Variants in XIRP2 observed in about 807,000 individuals in gnomAD.
The protein encoded by XIRP2 is xin actin binding repeat containing 2, also known as xin actin-binding repeat-containing protein 2.
Under a neutral mutation model 277.0 loss-of-function variants are expected in XIRP2, and 236 were observed. That is an observed-to-expected ratio of 0.85 (90% CI 0.77 to 0.95). The LOEUF (loss-of-function observed/expected upper bound fraction) is 0.95, where lower values mean the gene tolerates loss of function less well. XIRP2 is among the 40% of genes least tolerant of loss of function. XIRP2 has a pLI of 0.00. For missense variants in XIRP2, 4,640 were observed against 4,157.5 expected (o/e 1.12, Z -3.19); for synonymous variants, 1,490 against 1,416.5 (o/e 1.05, Z -1.17).
chr2:167,075,181 TTTTTG>T (rs756007544), intron 2 of XIRP2, among the ~76,000 whole-genome samples: 1 of 152,152 alleles, frequency 6.6e-6, no homozygotes. Context: ...CATTTTTGGT[TTTTTG>T]TTTTGTTTTG....
At chr2:167,080,226 A>G (rs1689692888) in intron 2 of XIRP2, among the ~76,000 whole-genome samples, 1 of 152,188 alleles carries the variant, frequency 6.6e-6, no homozygotes, top group Non-Finnish European at 1.5e-5. Flanking sequence ...TTTCTGAAGG[A>G]AAGATGTGGG....
At chr2:167,013,053 A>G (rs1687725515) in intron 2 of XIRP2, among the ~76,000 whole-genome samples, 1 of 151,364 alleles carries the variant, frequency 6.6e-6, no homozygotes, top group Admixed American at 6.6e-5. Context: ...TTTTGCATTG[A>G]ATCATGTGAC....
chr2:167,119,409 G>C (rs534745638), intron 2 of XIRP2, among the ~76,000 whole-genome samples: 2 of 152,276 alleles, frequency 1.3e-5, no homozygotes, highest in African/African-American at 2.4e-5. Context: ...ATTAATGAGA[G>C]AGCAAAGGTA....
chr2:167,205,408 C>T (rs1023281170), intron 3 of XIRP2, among the ~76,000 whole-genome samples: 2 of 152,012 alleles, frequency 1.3e-5, no homozygotes, highest in African/African-American at 4.8e-5. Context: ...TTTGAACTTT[C>T]ATCTGGCAAG....
chr2:167,140,636 C>T (rs1691689068), intron 3 of XIRP2, among the ~76,000 whole-genome samples: 1 of 152,166 alleles, frequency 6.6e-6, no homozygotes, highest in Admixed American at 6.5e-5. Flanking sequence ...CCTACTGTAC[C>T]TTATTTCATG....
At chr2:167,206,205 T>C (rs1424605239) in intron 3 of XIRP2, among the ~76,000 whole-genome samples, 3 of 152,156 alleles carry the variant, frequency 2.0e-5, no homozygotes, top group African/African-American at 7.2e-5. Flanking sequence ...TAAATTAACT[T>C]TATTCCTGGA....
chr2:166,931,270 T>C (rs1442509457), intron 2 of XIRP2, among the ~76,000 whole-genome samples: 1 of 152,178 alleles, frequency 6.6e-6, no homozygotes, highest in Non-Finnish European at 1.5e-5. Flanking sequence ...ATGTGCCTCT[T>C]ATTTTGAAGT....
At chr2:166,963,316 A>G (rs1686346159) in intron 2 of XIRP2, among the ~76,000 whole-genome samples, 2 of 151,740 alleles carry the variant, frequency 1.3e-5, no homozygotes, top group South Asian at 4.1e-4. Context: ...TCATTTATTC[A>G]TTCATTCATT....
At chr2:167,022,212 A>G (rs1277163856) in intron 2 of XIRP2, among the ~76,000 whole-genome samples, 2 of 152,070 alleles carry the variant, frequency 1.3e-5, no homozygotes, top group Non-Finnish European at 2.9e-5. Flanking sequence ...TTGTATGGGG[A>G]GCAATATTTT....
At chr2:167,080,955 G>A (rs1237095446) in intron 2 of XIRP2, among the ~76,000 whole-genome samples, 3 of 152,022 alleles carry the variant, frequency 2.0e-5, no homozygotes, top group Non-Finnish European at 4.4e-5. Context: ...ACAAATTTCT[G>A]ATCTGAGTAT....
At chr2:166,947,747 G>T (rs529367485) in intron 2 of XIRP2, among the ~76,000 whole-genome samples, 1 of 152,206 alleles carries the variant, frequency 6.6e-6, no homozygotes, top group South Asian at 2.1e-4. Context: ...CAGGACTTGG[G>T]CTCCTTGGTA....
chr2:167,025,348 C>T (rs1257541524), intron 2 of XIRP2, among the ~76,000 whole-genome samples: 1 of 151,566 alleles, frequency 6.6e-6, no homozygotes, highest in Non-Finnish European at 1.5e-5. Flanking sequence ...TCTCTCTTTT[C>T]TTCTTTATTA....
At chr2:167,049,646 C>A (rs994547234) in intron 2 of XIRP2, among the ~76,000 whole-genome samples, 2 of 151,934 alleles carry the variant, frequency 1.3e-5, no homozygotes, top group Non-Finnish European at 2.9e-5. Context: ...ACAGAAACTA[C>A]CTTTTCACAT....
chr2:167,024,293 A>G (rs1387888708), intron 2 of XIRP2, among the ~76,000 whole-genome samples: 1 of 152,106 alleles, frequency 6.6e-6, no homozygotes, highest in Non-Finnish European at 1.5e-5. Flanking sequence ...TGATTTTTGT[A>G]CATTGATTTT....
intron 2 of XIRP2, among the ~76,000 whole-genome samples, chr2:166,996,137 T>G (rs1687215038): frequency 1.3e-5 from 2 of 152,178 alleles, no homozygotes; most frequent in African/African-American, 4.8e-5. Flanking sequence ...TTTCTTTTCT[T>G]ATATTTAGTC....
intron 2 of XIRP2, among the ~76,000 whole-genome samples, chr2:167,024,124 T>A (rs1688073503): frequency 6.6e-6 from 1 of 152,114 alleles, no homozygotes; most frequent in Non-Finnish European, 1.5e-5. Context: ...TATCCTTTAT[T>A]TCATTGAGCA....
chr2:167,142,931 A>G lies in XIRP2; in HGVS notation c.562+6869A>G, dbSNP rs1048467826. ...TTGAAAAAATGGAAAGAAGGAAAGG[A>G]AGGAGGAAGGGAAGGAGGGAAGGAT... On this transcript the variant is annotated intron_variant, in intron 3 of 10. Transcript: ENST00000409195. Among the ~76,000 whole-genome samples, 7 of 152,012 alleles carry G rather than the reference A, an allele frequency of 4.6e-5. No homozygotes were observed. In the East Asian group the frequency reaches 1.4e-3, roughly 29 times the overall value.
chr2:167,176,716 G>T (rs895888350), intron 3 of XIRP2, among the ~76,000 whole-genome samples: 1 of 152,160 alleles, frequency 6.6e-6, no homozygotes, highest in Non-Finnish European at 1.5e-5. Context: ...TTAGTCTACA[G>T]ATTAGCTATG....
chr2:167,134,615 C>T (rs948543755), intron 2 of XIRP2, among the ~76,000 whole-genome samples: 1 of 152,056 alleles, frequency 6.6e-6, no homozygotes, highest in Non-Finnish European at 1.5e-5. Context: ...TTACAAGGCC[C>T]TTAGTGGATG....
Sources: gnomAD v4.1 joint callset for allele counts (sites outside exome capture counted in the v4.1 genomes callset) on GRCh38, gnomAD v4.1.1 for gene constraint, MANE v1.5 for transcripts, NCBI Gene and HGNC (gene_info 2026-07-23, HGNC 2026-07-21) for gene names.